The following DLGAP2 variants were observed in gnomAD, a reference collection of about 807,000 sequenced individuals.
DLGAP2 encodes the protein DLG associated protein 2, also known as disks large-associated protein 2.
Under a neutral mutation model 100.3 loss-of-function variants are expected in DLGAP2, and 26 were observed. The ratio of observed to expected loss-of-function variants is 0.26; its 90% CI spans 0.19 to 0.36. DLGAP2 has a LOEUF of 0.36. Ranked by LOEUF, DLGAP2 falls within the 10% of genes least tolerant of loss-of-function variation. The pLI, the probability that DLGAP2 is intolerant of heterozygous loss-of-function variation, is 1.00. For synonymous variants in DLGAP2, 886 were observed against 630.1 expected, an observed-to-expected ratio of 1.41 and a Z score of -6.08; for missense variants, 1,858 against 1,453.2, an observed-to-expected ratio of 1.28 and a Z score of -4.53.
intron 2 of DLGAP2, among the ~76,000 whole-genome samples, chr8:979,220 A>G (rs1239869882): frequency 6.6e-6 from 1 of 152,198 alleles, no homozygotes; most frequent in Non-Finnish European, 1.5e-5. Flanking sequence ...ATCTCTTCTG[A>G]TGGGATTATA....
chr8:1,683,337 G>A (rs1799007313), intron 12 of DLGAP2, among the ~76,000 whole-genome samples: 1 of 151,522 alleles, frequency 6.6e-6, no homozygotes, highest in South Asian at 2.1e-4. Flanking sequence ...CAGAGGCAGA[G>A]AACTGGGGAA....
chr8:965,381 G>A (rs1198768107), intron 2 of DLGAP2, among the ~76,000 whole-genome samples: 2 of 71,492 alleles, frequency 2.8e-5, no homozygotes, highest in East Asian at 6.6e-4. Context: ...CGCTGTACAC[G>A]GCACTGTTCA....
intron 8 of DLGAP2, among the ~76,000 whole-genome samples, chr8:1,639,179 A>G (rs779333758): frequency 1.2e-4 from 19 of 152,214 alleles, no homozygotes; most frequent in Non-Finnish European, 2.4e-4. Flanking sequence ...GTCCAGAGCC[A>G]TGGAGCCACC....
chr8:761,635 T>A (rs1219010128), intron 1 of DLGAP2, among the ~76,000 whole-genome samples: 6 of 152,210 alleles, frequency 3.9e-5, no homozygotes, highest in Admixed American at 3.9e-4. Context: ...TTCTTTCATG[T>A]TTGAAAGCAG....
intron 1 of DLGAP2, among the ~76,000 whole-genome samples, chr8:775,126 T>C (rs1196156647): frequency 6.6e-6 from 1 of 152,266 alleles, no homozygotes; most frequent in East Asian, 1.9e-4. Flanking sequence ...GAATGGGAGT[T>C]CACTCATGAT....
chr8:1,374,386 C>T (rs1255696637), intron 3 of DLGAP2, among the ~76,000 whole-genome samples: 2 of 151,894 alleles, frequency 1.3e-5, no homozygotes, highest in Non-Finnish European at 1.5e-5. Flanking sequence ...GGAGGCAGCT[C>T]CCTGATTACA....
At chr8:1,372,447 G>A (rs1014290257) in intron 3 of DLGAP2, among the ~76,000 whole-genome samples, 2 of 152,234 alleles carry the variant, frequency 1.3e-5, no homozygotes, top group Non-Finnish European at 2.9e-5. Context: ...GACAAATGTC[G>A]TGCGAGTCCC....
At chr8:1,339,310 G>A (rs1362445435) in intron 3 of DLGAP2, among the ~76,000 whole-genome samples, 1 of 148,820 alleles carries the variant, frequency 6.7e-6, no homozygotes, top group Non-Finnish European at 1.5e-5. Context: ...ATCAGGACCC[G>A]GGAGGGAATG....
intron 1 of DLGAP2, among the ~76,000 whole-genome samples, chr8:844,758 C>G (rs1163498948): frequency 6.6e-6 from 1 of 152,150 alleles, no homozygotes; most frequent in Non-Finnish European, 1.5e-5. Flanking sequence ...TGCAGTTGAC[C>G]TGTTTAAAGT....
At chr8:1,446,409 T>C (rs189148859) in intron 3 of DLGAP2, among the ~76,000 whole-genome samples, 3 of 152,170 alleles carry the variant, frequency 2.0e-5, no homozygotes, top group South Asian at 2.1e-4. Flanking sequence ...TGTAGATATG[T>C]GGCATTATTT....
At chr8:974,544 G>C (rs1156257048) in intron 2 of DLGAP2, among the ~76,000 whole-genome samples, 1 of 152,092 alleles carries the variant, frequency 6.6e-6, no homozygotes, top group Non-Finnish European at 1.5e-5. Flanking sequence ...GTAACACAAA[G>C]TCTGCTCTTA....
At chr8:1,196,375 C>T (rs1013700947) in intron 2 of DLGAP2, among the ~76,000 whole-genome samples, 1 of 152,316 alleles carries the variant, frequency 6.6e-6, no homozygotes, top group Non-Finnish European at 1.5e-5. Context: ...CCCCAGGTGT[C>T]AGCACAGGGG....
intron 3 of DLGAP2, among the ~76,000 whole-genome samples, chr8:1,321,776 A>G (rs1450543192): frequency 6.6e-6 from 1 of 152,316 alleles, no homozygotes; most frequent in Non-Finnish European, 1.5e-5. Flanking sequence ...TCTAAAGGGG[A>G]AAATGTGTAA....
intron 2 of DLGAP2, among the ~76,000 whole-genome samples, chr8:1,031,443 A>G (rs1801969637): frequency 6.6e-6 from 1 of 151,736 alleles, no homozygotes; most frequent in Non-Finnish European, 1.5e-5. Flanking sequence ...ACAGGGCCTC[A>G]CTCTGTCACC....
intron 2 of DLGAP2, among the ~76,000 whole-genome samples, chr8:1,084,777 C>A (rs1327747206): frequency 6.6e-6 from 1 of 152,098 alleles, no homozygotes; most frequent in South Asian, 2.1e-4. Context: ...TTCGTTGCTC[C>A]CTTGATGGAC....
chr8:1,598,401 G>T (rs538553391), intron 6 of DLGAP2, among the ~76,000 whole-genome samples: 9 of 152,058 alleles, frequency 5.9e-5, no homozygotes, highest in Non-Finnish European at 1.3e-4. Flanking sequence ...AGAGGAGTCC[G>T]TCTTTTTCTA....
intron 2 of DLGAP2, among the ~76,000 whole-genome samples, chr8:1,071,226 C>T (rs971990492): frequency 4.6e-5 from 7 of 152,210 alleles, no homozygotes; most frequent in African/African-American, 1.2e-4. Context: ...AAAAACTGTA[C>T]TTCTAGAGTA....
At chr8:1,636,587 T>C (rs182837567) in intron 8 of DLGAP2, among the ~76,000 whole-genome samples, 70 of 152,376 alleles carry the variant, frequency 4.6e-4, no homozygotes, top group African/African-American at 1.6e-3. Flanking sequence ...TGACTATGTA[T>C]TTGATTCTCC....
At chr8:1,540,805 G>C (rs1341556531) in intron 4 of DLGAP2, among the ~76,000 whole-genome samples, 1 of 152,252 alleles carries the variant, frequency 6.6e-6, no homozygotes, top group East Asian at 1.9e-4. Flanking sequence ...ACCATTTCTG[G>C]ATAATACAGT....
Sources: gnomAD v4.1 joint callset for allele counts (sites outside exome capture counted in the v4.1 genomes callset) on GRCh38, gnomAD v4.1.1 for gene constraint, MANE v1.5 for transcripts, NCBI Gene and HGNC (gene_info 2026-07-23, HGNC 2026-07-21) for gene names.